Variants in EYS observed in about 807,000 individuals in gnomAD.
EYS encodes EGF-like photoreceptor maintenance factor.
A neutral mutation model predicts 282.1 loss-of-function variants in EYS; 250 were observed. That is an observed-to-expected ratio of 0.89 (90% confidence interval 0.80 to 0.98). EYS has a LOEUF of 0.98. Ranked by LOEUF, EYS falls within the 50% of genes least tolerant of loss-of-function variation. The probability of loss-of-function intolerance (pLI) is 0.00; values close to 1 mark genes in which losing one functional copy is unlikely to be tolerated. For missense variants in EYS, 4,016 were observed against 3,709.0 expected, an observed-to-expected ratio of 1.08 and a Z score of -2.15; for synonymous variants, 1,355 against 1,282.9, an observed-to-expected ratio of 1.06 and a Z score of -1.20.
At chr6:64,849,088 C>T (rs1765804437) in intron 19 of EYS, among the ~76,000 whole-genome samples, 2 of 151,942 alleles carry the variant, frequency 1.3e-5, no homozygotes, top group African/African-American at 4.8e-5. Context: ...TGGTTATTCA[C>T]ATCTAGTGCA....
In EYS at chr6:65,381,678, G is replaced by A. The variant is rs181722694; in HGVS notation, c.1299+2708C>T. ...TTGAGACAGTTTGAACATTTAAAAT[G>A]TGTATTTACCTTTATTTTCATTTAT... On this transcript the variant is annotated intron_variant, in intron 8 of 42. Transcript: ENST00000503581. Among the ~76,000 whole-genome samples the A allele has an allele frequency of 1.6e-3, 240 of 151,962 alleles. No individual in the cohort carries two copies. In the Middle Eastern group the frequency reaches 0.017, roughly 11 times the overall value.
chr6:64,864,864 C>T (rs928463450), intron 19 of EYS, among the ~76,000 whole-genome samples: 2 of 151,540 alleles, frequency 1.3e-5, no homozygotes, highest in African/African-American at 2.4e-5. Flanking sequence ...GGTGAAACCC[C>T]GTCTCTACTA....
Position 64,243,335 on chromosome 6 carries a change from T to G in EYS, c.6192-12511A>C, listed in dbSNP as rs144047725. ...AGTAATGTCAGCTCCCAAATCTCAG[T>G]GGCTTAACACCACCAAAACTCATTT... is the stretch of plus-strand genomic sequence containing the variant. On this transcript the variant is annotated intron_variant, in intron 30 of 42. Transcript: ENST00000503581. Among the ~76,000 whole-genome samples, 275 of 152,310 alleles carry G rather than the reference T, an allele frequency of 1.8e-3. 2 individuals are homozygous for G. The highest frequency in any genetic ancestry group is 6.4e-3 in the African/African-American group (266 of 41,580).
intron 30 of EYS, among the ~76,000 whole-genome samples, chr6:64,235,039 G>A (rs1046493888): frequency 4.0e-5 from 6 of 150,830 alleles, no homozygotes; most frequent in African/African-American, 9.7e-5. Flanking sequence ...CACCACACCC[G>A]GCTAATTTTT....
Position 64,439,253 on chromosome 6 carries a change from C to G in EYS, c.5744G>C (p.Ser1915Thr), listed in dbSNP as rs1774855257. 1 of 1,513,368 alleles carries G rather than the reference C, an allele frequency of 6.6e-7. No individual in the cohort carries two copies. The highest frequency in any genetic ancestry group is 1.4e-5 in the African/African-American group (1 of 70,676). 93.7% of individuals were successfully genotyped at this position (1,513,368 alleles called of 1,614,324 possible). Residue 1915 changes from serine (S) to threonine (T), a missense_variant, in exon 27 of 43, where the codon AGC (serine) becomes ACC (threonine). Transcript: ENST00000503581. ...GACATACAGCAGAAGTCCATAGGAG[C>G]TGAAGGTCTGAAATTCTAGGGAGAT... ...NNISLEFQTF[S>T]SYGLLLYVKQ...
rs149060159 is a variant in EYS at position 64,771,962 on chromosome 6, T to C, written c.3443+41416A>G. On this transcript the variant is annotated intron_variant, in intron 22 of 42. Transcript: ENST00000503581. ...TATTTGATTGTATTTTAAACATTTT[T>C]TCATCTCTCGTGTAAATAGATACTG... Among the ~76,000 whole-genome samples the C allele has an allele frequency of 3.9e-3, 596 of 151,886 alleles. 5 individuals are homozygous for C. Among genetic ancestry groups the C allele is most frequent in the African/African-American group, 0.014 (578 of 41,528 alleles).
intron 5 of EYS, among the ~76,000 whole-genome samples, chr6:65,436,544 A>G (rs1010341992): frequency 6.6e-6 from 1 of 152,154 alleles, no homozygotes; most frequent in Admixed American, 6.6e-5. Flanking sequence ...AGAAATTGCT[A>G]AAGGAACCAG....
chr6:64,616,882 C>A (rs373128755), intron 24 of EYS, among the ~76,000 whole-genome samples: 1 of 151,984 alleles, frequency 6.6e-6, no homozygotes, highest in East Asian at 1.9e-4. Context: ...TCATGGGCTG[C>A]GGTCAGTTTT....
intron 12 of EYS, among the ~76,000 whole-genome samples, chr6:65,104,017 C>CT (rs1368681709): frequency 1.3e-5 from 2 of 151,384 alleles, no homozygotes; most frequent in African/African-American, 2.4e-5. Context: ...GTTCATGACT[C>CT]TAAGTTCAGT....
At chr6:64,809,765 A>G (rs1255043910) in intron 22 of EYS, among the ~76,000 whole-genome samples, 1 of 151,816 alleles carries the variant, frequency 6.6e-6, no homozygotes, top group Non-Finnish European at 1.5e-5. Flanking sequence ...AGTGGGAGCT[A>G]AACATTGAAT....
intron 31 of EYS, among the ~76,000 whole-genome samples, chr6:64,117,889 G>A (rs115440467): frequency 0.019 from 2,939 of 152,018 alleles, 81 homozygotes; most frequent in African/African-American, 0.066. Flanking sequence ...ACAAAAATAA[G>A]TAGCATTTCT....
At chr6:65,463,395 T>C (rs1055527442) in intron 5 of EYS, among the ~76,000 whole-genome samples, 1 of 152,200 alleles carries the variant, frequency 6.6e-6, no homozygotes, top group African/African-American at 2.4e-5. Context: ...ACAATTGATA[T>C]AAAATTGGTA....
intron 33 of EYS, among the ~76,000 whole-genome samples, chr6:64,048,621 TA>T (rs2149842511): frequency 6.6e-6 from 1 of 152,276 alleles, no homozygotes; most frequent in East Asian, 1.9e-4. Context: ...TTCATTTAAT[TA>T]TTTTACATCA....
At chr6:64,405,079 A>T (rs1356296521) in intron 28 of EYS, among the ~76,000 whole-genome samples, 1 of 152,164 alleles carries the variant, frequency 6.6e-6, no homozygotes, top group African/African-American at 2.4e-5. Context: ...GCACCTATCA[A>T]CACATCACCT....
intron 22 of EYS, among the ~76,000 whole-genome samples, chr6:64,660,572 T>A (rs4355591): frequency 6.6e-6 from 1 of 152,162 alleles, no homozygotes; most frequent in Non-Finnish European, 1.5e-5. Flanking sequence ...CAAAAATCAC[T>A]AGCATTCTAA....
intron 31 of EYS, among the ~76,000 whole-genome samples, chr6:64,157,889 G>A (rs1774982499): frequency 6.6e-6 from 1 of 152,174 alleles, no homozygotes; most frequent in Non-Finnish European, 1.5e-5. Context: ...AGTCCCTACT[G>A]GGGCACCACC....
intron 13 of EYS, 140 bp downstream of exon 13, chr6:65,057,474 T>A: frequency 1.5e-6 from 1 of 670,240 alleles, no homozygotes; most frequent in East Asian, 2.7e-5. Flanking sequence ...GAATAATTGG[T>A]TGGTCACTTT....
intron 28 of EYS, among the ~76,000 whole-genome samples, chr6:64,415,193 C>T (rs1269034420): frequency 6.6e-6 from 1 of 152,200 alleles, no homozygotes; most frequent in African/African-American, 2.4e-5. Flanking sequence ...CCTTTAGCAT[C>T]TGGTGGCAAC....
intron 1 of EYS, among the ~76,000 whole-genome samples, chr6:65,702,584 T>C (rs1238147674): frequency 6.6e-6 from 1 of 151,908 alleles, no homozygotes; most frequent in African/African-American, 2.4e-5. Context: ...CCCAACTAAT[T>C]GGGATGCAGA....
Sources: gnomAD v4.1 joint callset for allele counts (sites outside exome capture counted in the v4.1 genomes callset) on GRCh38, gnomAD v4.1.1 for gene constraint, MANE v1.5 for transcripts, NCBI Gene and HGNC (gene_info 2026-07-23, HGNC 2026-07-21) for gene names.